SRPK2: variants seen among roughly 807,000 people sequenced by gnomAD.
SRPK2 encodes the protein SRSF protein kinase 2, also known as SFRS protein kinase 2.
SRPK2 carries 21 observed loss-of-function variants against 90.8 expected under a neutral mutation model. The observed-to-expected ratio is 0.23, with a 90% confidence interval of 0.16 to 0.33. The LOEUF (loss-of-function observed/expected upper bound fraction) is 0.33. Among genes scored for constraint, SRPK2 ranks in the 10% least tolerant of loss-of-function variants. The probability of loss-of-function intolerance (pLI) is 1.00; values close to 1 mark genes in which losing one functional copy is unlikely to be tolerated. For synonymous variants in SRPK2, 288 were observed against 311.1 expected (o/e 0.93, Z 0.78); for missense variants, 620 against 869.0 (o/e 0.71, Z 3.60).
intron 2 of SRPK2, among the ~76,000 whole-genome samples, chr7:105,304,703 A>G (rs1300004945): frequency 6.6e-6 from 1 of 152,212 alleles, no homozygotes; most frequent in Non-Finnish European, 1.5e-5. Flanking sequence ...AAAAACTGAT[A>G]AACTGAAAAA....
chr7:105,392,691 T>C (rs1305403574), upstream of SRPK2, among the ~76,000 whole-genome samples: 4 of 151,986 alleles, frequency 2.6e-5, no homozygotes, highest in East Asian at 7.7e-4. Context: ...AGACACGGGT[T>C]TTCACCATGT....
chr7:105,318,573 C>A (rs893498018), intron 2 of SRPK2, among the ~76,000 whole-genome samples: 6 of 152,168 alleles, frequency 3.9e-5, no homozygotes, highest in African/African-American at 1.4e-4. Flanking sequence ...TATACCATTA[C>A]CAAATTCCTT....
Position 105,388,887 on chromosome 7 carries a change from G to T in SRPK2, c.-81C>A. ...ACGAGCTGGGCTGCAGCCTCCACTC[G>T]CTCCGCCGGCCGGGAGGAGACGAGA... On this transcript the variant is annotated 5_prime_UTR_variant, in exon 1 of 16. Coordinates refer to ENST00000393651, the MANE Select transcript of SRPK2 (RefSeq NM_182692.3). 8.0e-7 allele frequency: 1 copy of T among 1,242,918 alleles called. No homozygotes were observed. Among genetic ancestry groups the T allele is most frequent in the Non-Finnish European group, 1.0e-6 (1 of 996,746 alleles). 77.0% of individuals were successfully genotyped at this position (1,242,918 alleles called of 1,614,324 possible). A position where few individuals can be genotyped will look rare whatever the true frequency, so the allele number is the denominator to read the frequency against.
chr7:105,207,589 G>A (rs1191258884), intron 2 of SRPK2, among the ~76,000 whole-genome samples: 1 of 152,066 alleles, frequency 6.6e-6, no homozygotes, highest in African/African-American at 2.4e-5. Flanking sequence ...TAAAAGAATA[G>A]TCTTTTCAAC....
At chr7:105,212,502 G>A (rs1355631201) in intron 2 of SRPK2, among the ~76,000 whole-genome samples, 2 of 152,090 alleles carry the variant, frequency 1.3e-5, no homozygotes, top group Non-Finnish European at 1.5e-5. Flanking sequence ...AAGCACAGAG[G>A]CCCAAACTAA....
At chr7:105,268,979 G>A in intron 2 of SRPK2, 1 of 1,408,268 alleles carries the variant, frequency 7.1e-7, no homozygotes, top group South Asian at 1.5e-5. Flanking sequence ...GAGGCCACAA[G>A]ATTCGCAGTA....
At chr7:105,195,474 A>G (rs900864060) in intron 3 of SRPK2, among the ~76,000 whole-genome samples, 4 of 152,218 alleles carry the variant, frequency 2.6e-5, no homozygotes, top group African/African-American at 9.6e-5. Context: ...AAGTTACTTC[A>G]CCACAAATTT....
chr7:105,376,379 C>T (rs1352433742), intron 2 of SRPK2, among the ~76,000 whole-genome samples: 4 of 151,434 alleles, frequency 2.6e-5, no homozygotes, highest in Non-Finnish European at 4.4e-5. Flanking sequence ...AGTTGTAGTC[C>T]GTCTACCCTC....
intron 2 of SRPK2, among the ~76,000 whole-genome samples, chr7:105,220,510 G>T (rs1384023132): frequency 6.6e-6 from 1 of 152,112 alleles, no homozygotes; most frequent in Non-Finnish European, 1.5e-5. Context: ...TGGCGACAGA[G>T]CGAGACTCCA....
At chr7:105,366,593 A>G (rs1819092478) in intron 2 of SRPK2, among the ~76,000 whole-genome samples, 1 of 146,422 alleles carries the variant, frequency 6.8e-6, no homozygotes, top group African/African-American at 2.5e-5. Flanking sequence ...CTGATCTCAA[A>G]CTCCTGACCT....
chr7:105,126,939 T>G, intron 14 of SRPK2, 54 bp downstream of exon 14: 1 of 1,568,354 alleles, frequency 6.4e-7, no homozygotes, highest in Admixed American at 1.7e-5. Flanking sequence ...TCTACAGAAG[T>G]TCAGGGCTGG....
chr7:105,218,755 C>A (rs1797753437), intron 2 of SRPK2, among the ~76,000 whole-genome samples: 1 of 152,046 alleles, frequency 6.6e-6, no homozygotes, highest in Non-Finnish European at 1.5e-5. Context: ...AGAGTTCCAA[C>A]TCAGAAAAGC....
chr7:105,136,916 A>T (rs1211867168), intron 11 of SRPK2, among the ~76,000 whole-genome samples: 2 of 152,216 alleles, frequency 1.3e-5, no homozygotes, highest in African/African-American at 4.8e-5. Flanking sequence ...ACACAAGCTA[A>T]ATTAGGAAAC....
intron 2 of SRPK2, among the ~76,000 whole-genome samples, chr7:105,364,040 G>A (rs992901502): frequency 2.0e-5 from 3 of 151,772 alleles, no homozygotes; most frequent in African/African-American, 7.3e-5. Context: ...GTCGTGGGGT[G>A]GGGGGCTGGG....
At chr7:105,252,765 C>A in intron 2 of SRPK2, among the ~76,000 whole-genome samples, 1 of 139,334 alleles carries the variant, frequency 7.2e-6, no homozygotes, top group Non-Finnish European at 1.5e-5. Context: ...TTTTTTGAGA[C>A]AGAGTCTCCC....
At chr7:105,190,697 C>G (rs1323319340) in intron 3 of SRPK2, among the ~76,000 whole-genome samples, 1 of 152,190 alleles carries the variant, frequency 6.6e-6, no homozygotes, top group African/African-American at 2.4e-5. Context: ...GCACCCAGAT[C>G]TCTATGCCCT....
At chr7:105,131,797 A>G (rs1258311806) in intron 13 of SRPK2, among the ~76,000 whole-genome samples, 1 of 152,186 alleles carries the variant, frequency 6.6e-6, no homozygotes, top group Admixed American at 6.5e-5. Context: ...CTTGCACACA[A>G]TCTTTTCTTT....
intron 11 of SRPK2, among the ~76,000 whole-genome samples, chr7:105,133,871 G>A (rs1802395742): frequency 6.6e-6 from 1 of 152,100 alleles, no homozygotes; most frequent in Non-Finnish European, 1.5e-5. Flanking sequence ...CAGGTATAGG[G>A]CCAGCTTCCC....
rs148769417 is a variant in SRPK2 at position 105,206,838 on chromosome 7, G to C, written c.72-3053C>G. Among the ~76,000 whole-genome samples the C allele has an allele frequency of 3.1e-4, 47 of 152,332 alleles. No individual in the cohort carries two copies. The East Asian group carries it at 5.0e-3, about 16-fold the overall frequency. On this transcript the variant is annotated intron_variant, in intron 2 of 15. Transcript: ENST00000393651. Reference sequence around the variant, plus strand: ...ACACGAGTATTTCTAGTGGATGGTAGAACTCTGGACCTTTCAGATCCAACC... The same window carrying C: ...ACACGAGTATTTCTAGTGGATGGTACAACTCTGGACCTTTCAGATCCAACC...
Sources: gnomAD v4.1 joint callset for allele counts (sites outside exome capture counted in the v4.1 genomes callset) on GRCh38, gnomAD v4.1.1 for gene constraint, MANE v1.5 for transcripts, NCBI Gene and HGNC (gene_info 2026-07-23, HGNC 2026-07-21) for gene names.